The following RORA variants were observed in gnomAD, a reference collection of about 807,000 sequenced individuals.
RORA encodes nuclear receptor ROR-alpha.
Under a neutral mutation model 69.5 loss-of-function variants are expected in RORA, and 7 were observed. The observed-to-expected ratio is 0.10, with a 90% CI of 0.06 to 0.19. The LOEUF (loss-of-function observed/expected upper bound fraction) is 0.19, where lower values mean the gene tolerates loss of function less well. Among genes scored for constraint, RORA ranks in the 10% least tolerant of loss-of-function variants. RORA has a pLI of 1.00. For missense variants in RORA, 457 were observed against 663.0 expected, an observed-to-expected ratio of 0.69 and a Z score of 3.41; for synonymous variants, 261 against 240.8, an observed-to-expected ratio of 1.08 and a Z score of -0.78.
chr15:61,019,156 C>T (rs1222117433), intron 1 of RORA, among the ~76,000 whole-genome samples: 1 of 152,226 alleles, frequency 6.6e-6, no homozygotes, highest in Admixed American at 6.5e-5. Context: ...GGCTTCACAG[C>T]ACCACAGAAC....
chr15:61,202,645 T>C (rs2079905875), intron 1 of RORA, among the ~76,000 whole-genome samples: 1 of 152,128 alleles, frequency 6.6e-6, no homozygotes, highest in African/African-American at 2.4e-5. Flanking sequence ...AGAATTCAGA[T>C]GCCTATTTTA....
intron 1 of RORA, among the ~76,000 whole-genome samples, chr15:61,097,946 G>A (rs530543972): frequency 8.5e-4 from 130 of 152,312 alleles, no homozygotes; most frequent in African/African-American, 3.0e-3. Flanking sequence ...GTCAATAACT[G>A]CAGGAACTAA....
At chr15:61,090,327 C>T (rs1206257650) in intron 1 of RORA, among the ~76,000 whole-genome samples, 1 of 152,138 alleles carries the variant, frequency 6.6e-6, no homozygotes, top group Non-Finnish European at 1.5e-5. Context: ...TTTTATGATT[C>T]TAAGTGAAAA....
At chr15:60,939,100 G>A (rs999909140) in intron 1 of RORA, among the ~76,000 whole-genome samples, 1 of 152,144 alleles carries the variant, frequency 6.6e-6, no homozygotes, top group Non-Finnish European at 1.5e-5. Flanking sequence ...TCTTCCCTCG[G>A]CATCGCAGCT....
At chr15:61,161,052 G>A (rs2079491065) in intron 1 of RORA, among the ~76,000 whole-genome samples, 1 of 152,204 alleles carries the variant, frequency 6.6e-6, no homozygotes, top group Middle Eastern at 3.4e-3. Flanking sequence ...TTTGGGAGGC[G>A]GAGGGGGTCT....
At chr15:60,708,953 GGCCTTGATGTAGT>G (rs2071105743) in intron 1 of RORA, among the ~76,000 whole-genome samples, 1 of 152,182 alleles carries the variant, frequency 6.6e-6, no homozygotes, top group Admixed American at 6.5e-5. Context: ...GCAGGACCAA[GGCCTTGATGTAGT>G]GCCTGCATAG....
chr15:60,941,395 C>T (rs1223536409), intron 1 of RORA, among the ~76,000 whole-genome samples: 1 of 152,226 alleles, frequency 6.6e-6, no homozygotes, highest in Non-Finnish European at 1.5e-5. Flanking sequence ...TGGCGTCTCG[C>T]GATTCCATTT....
chr15:60,579,402 G>A (rs1052038728), intron 2 of RORA, among the ~76,000 whole-genome samples: 1 of 151,876 alleles, frequency 6.6e-6, no homozygotes, highest in African/African-American at 2.4e-5. Flanking sequence ...GTCCTTGTGG[G>A]GTTCACGTAA....
At chr15:60,788,315 T>C (rs773198263) in intron 1 of RORA, among the ~76,000 whole-genome samples, 9 of 152,196 alleles carry the variant, frequency 5.9e-5, no homozygotes, top group South Asian at 2.1e-4. Context: ...GGGAGACAGA[T>C]GATTGCAATA....
intron 2 of RORA, among the ~76,000 whole-genome samples, chr15:60,587,781 C>A (rs576022513): frequency 6.6e-6 from 1 of 152,228 alleles, no homozygotes; most frequent in Non-Finnish European, 1.5e-5. Flanking sequence ...TTAAAGTTAT[C>A]GTATTATCTC....
chr15:60,561,076 G>GT (rs138552777), intron 2 of RORA, among the ~76,000 whole-genome samples: 2 of 129,406 alleles, frequency 1.5e-5, no homozygotes, highest in African/African-American at 5.6e-5. Flanking sequence ...TTTTTGTTTT[G>GT]TTTTTGTTTT....
At chr15:61,082,354 T>G (rs2078557158) in intron 1 of RORA, among the ~76,000 whole-genome samples, 1 of 152,122 alleles carries the variant, frequency 6.6e-6, no homozygotes, top group Non-Finnish European at 1.5e-5. Flanking sequence ...CTGGGCATGG[T>G]GGTGGGCACA....
At position 60,569,723 on chromosome 15, in the gene RORA, C is replaced by A. The variant is rs961847071; in HGVS notation, c.197-37872G>T. ...AATGGCTTGAACAGGGGAGGATGAA[C>A]AATACAAGGGTAAAAGAGGGATGCA... On this transcript the variant is annotated intron_variant, in intron 2 of 10. Transcript: ENST00000335670. Among the ~76,000 whole-genome samples the A allele has an allele frequency of 5.3e-5, 8 of 152,038 alleles. No individual in the cohort carries two copies. In the South Asian group the frequency reaches 1.5e-3, roughly 28 times the overall value.
intron 1 of RORA, among the ~76,000 whole-genome samples, chr15:61,184,442 G>A (rs2079719452): frequency 6.6e-6 from 1 of 152,070 alleles, no homozygotes; most frequent in African/African-American, 2.4e-5. Flanking sequence ...TAGAATTAAG[G>A]AGAGTCTCTC....
At chr15:60,780,077 G>A (rs2072232031) in intron 1 of RORA, among the ~76,000 whole-genome samples, 1 of 152,146 alleles carries the variant, frequency 6.6e-6, no homozygotes, top group Non-Finnish European at 1.5e-5. Flanking sequence ...GTGGGGAGAG[G>A]GTGGGGAGGA....
chr15:61,088,438 A>C (rs958084305), intron 1 of RORA, among the ~76,000 whole-genome samples: 4 of 152,180 alleles, frequency 2.6e-5, no homozygotes, highest in African/African-American at 9.6e-5. Context: ...CAGAATGCAC[A>C]TGTAGTTTGG....
chr15:60,810,355 C>T lies in RORA; in HGVS notation c.167-131669G>A, dbSNP rs1047590772. 3.7e-4 allele frequency among the ~76,000 whole-genome samples: 57 copies of T among 152,186 alleles called. 1 individual carries two copies. Among genetic ancestry groups the T allele is most frequent in the African/African-American group, 1.3e-3 (54 of 41,528 alleles). On this transcript the variant is annotated intron_variant, in intron 1 of 10. Transcript: ENST00000335670. ...TGGGTCTAATTCTTGATCTTTTATA[C>T]AAAAGCTGCTATTTTTCTTTGGAAA...
chr15:61,066,995 G>A (rs918705141), intron 1 of RORA, among the ~76,000 whole-genome samples: 1 of 151,886 alleles, frequency 6.6e-6, no homozygotes, highest in Admixed American at 6.6e-5. Flanking sequence ...GAAAAGAATG[G>A]CTGTAACCCT....
At chr15:60,707,872 T>C (rs1442282281) in intron 1 of RORA, among the ~76,000 whole-genome samples, 2 of 152,230 alleles carry the variant, frequency 1.3e-5, no homozygotes, top group Admixed American at 1.3e-4. Context: ...GCCTCTCCCC[T>C]TATTTAATAC....
Sources: gnomAD v4.1 joint callset for allele counts (sites outside exome capture counted in the v4.1 genomes callset) on GRCh38, gnomAD v4.1.1 for gene constraint, MANE v1.5 for transcripts, NCBI Gene and HGNC (gene_info 2026-07-23, HGNC 2026-07-21) for gene names.